MYLK4: variants seen among roughly 807,000 people sequenced by gnomAD.
The protein encoded by MYLK4 is caMLCK like.
MYLK4 carries 46 observed loss-of-function variants against 48.1 expected under a neutral mutation model. The ratio of observed to expected loss-of-function variants is 0.96; its 90% CI spans 0.75 to 1.22. The LOEUF (loss-of-function observed/expected upper bound fraction) is 1.22, where lower values mean the gene tolerates loss of function less well. MYLK4 is among the 50% of genes most tolerant of loss of function. The pLI, the probability that MYLK4 is intolerant of heterozygous loss-of-function variation, is 0.00. For synonymous variants in MYLK4, 170 were observed against 180.8 expected, an observed-to-expected ratio of 0.94 and a Z score of 0.48; for missense variants, 451 against 486.1, an observed-to-expected ratio of 0.93 and a Z score of 0.68.
intron 12 of MYLK4, among the ~76,000 whole-genome samples, chr6:2,669,528 T>C (rs1760799373): frequency 6.6e-6 from 1 of 152,020 alleles, no homozygotes; most frequent in Non-Finnish European, 1.5e-5. Context: ...CTCCGGTCCT[T>C]ATGGTGGGAA....
chr6:2,765,524 G>A, the MYLK4 span: 8 of 1,293,424 alleles, frequency 6.2e-6, no homozygotes, highest in East Asian at 1.0e-4. Flanking sequence ...CCCCGAGCGA[G>A]GGTCTCGCGG....
At chr6:2,766,137 G>C in the MYLK4 span, 1 of 1,241,008 alleles carries the variant, frequency 8.1e-7, no homozygotes, top group South Asian at 2.2e-5. Flanking sequence ...GTGGGCGACG[G>C]CGATGGCGAC....
chr6:2,763,201 T>A, the MYLK4 span, among the ~76,000 whole-genome samples: 1 of 152,222 alleles, frequency 6.6e-6, no homozygotes, highest in African/African-American at 2.4e-5. Context: ...CCGATTGGTG[T>A]ATTTACAATC....
At position 2,685,431 on chromosome 6, in the gene MYLK4, G is replaced by C; in HGVS notation, c.436-26C>G. On this transcript the variant is annotated intron_variant, in intron 5 of 12. Transcript: ENST00000274643. The surrounding 1 kb of genome is among the most constrained non-coding windows in gnomAD (Gnocchi z 4.5). ...CTGAGAAGCAGGAAACAGTGCATTAGTGTGGTCAAGATGGGGCGGGGAGGG... is the reference window on the plus strand; with the variant it reads ...CTGAGAAGCAGGAAACAGTGCATTACTGTGGTCAAGATGGGGCGGGGAGGG... The C allele has an allele frequency of 6.3e-7, 1 of 1,590,052 alleles. No homozygotes were observed. Among genetic ancestry groups the C allele is most frequent in the Non-Finnish European group, 8.6e-7 (1 of 1,160,164 alleles).
rs559764294 is a variant in MYLK4 at position 2,706,522 on chromosome 6, A to G, written c.160-13663T>C. 2.0e-5 allele frequency among the ~76,000 whole-genome samples: 3 copies of G among 152,326 alleles called. No individual in the cohort carries two copies. In the South Asian group the frequency reaches 6.2e-4, roughly 32 times the overall value. Reference sequence around the variant, plus strand: ...TGTAATTTTTTGTATATAAATTTATACCTCAGTGAAGCTTTTTTTAATATA... The same window carrying G: ...TGTAATTTTTTGTATATAAATTTATGCCTCAGTGAAGCTTTTTTTAATATA... On this transcript the variant is annotated intron_variant, in intron 2 of 12. Coordinates refer to ENST00000274643, the MANE Select transcript of MYLK4 (RefSeq NM_001012418.5).
intron 6 of MYLK4, among the ~76,000 whole-genome samples, chr6:2,683,514 G>T (rs1321489490): frequency 6.6e-6 from 1 of 151,672 alleles, no homozygotes; most frequent in East Asian, 1.9e-4. Flanking sequence ...CCGCCTCCCA[G>T]ATTCAAGCGA....
At chr6:2,708,324 A>G (rs9285962) in intron 2 of MYLK4, among the ~76,000 whole-genome samples, 130,695 of 152,156 alleles carry the variant, frequency 0.86, 56,206 homozygotes, top group Admixed American at 0.89. Flanking sequence ...ATTTTGTTAC[A>G]TTCTCCTCTA....
chr6:2,736,629 C>G (rs1005498206), intron 2 of MYLK4, among the ~76,000 whole-genome samples: 1 of 152,214 alleles, frequency 6.6e-6, no homozygotes, highest in Non-Finnish European at 1.5e-5. Context: ...CAGAGCTAGA[C>G]TGTATGCCTG....
the MYLK4 span, chr6:2,766,565 T>G: frequency 7.2e-7 from 1 of 1,393,406 alleles, no homozygotes; most frequent in Non-Finnish European, 9.4e-7. Flanking sequence ...GATAAGGGGG[T>G]GCAGACTTGG....
intron 12 of MYLK4, among the ~76,000 whole-genome samples, chr6:2,670,103 C>T (rs1582019420): frequency 6.6e-6 from 1 of 152,166 alleles, no homozygotes; most frequent in Non-Finnish European, 1.5e-5. Flanking sequence ...CGGTGGCTCA[C>T]GCCTGTAATC....
intron 3 of MYLK4, among the ~76,000 whole-genome samples, chr6:2,689,714 TC>T (rs913617038): frequency 2.0e-5 from 3 of 152,248 alleles, no homozygotes; most frequent in African/African-American, 7.2e-5. Context: ...TGCTCATTCT[TC>T]GTTAATTCAT....
chr6:2,708,229 T>A (rs1762559166), intron 2 of MYLK4, among the ~76,000 whole-genome samples: 1 of 152,226 alleles, frequency 6.6e-6, no homozygotes, highest in Non-Finnish European at 1.5e-5. Context: ...ACAAACATAT[T>A]CATACTCAGA....
the MYLK4 span, among the ~76,000 whole-genome samples, chr6:2,764,093 T>C: frequency 6.6e-6 from 1 of 152,160 alleles, no homozygotes; most frequent in African/African-American, 2.4e-5. Flanking sequence ...GATTGCGCCA[T>C]TGCACTCCAG....
In MYLK4 at chr6:2,708,802, C is replaced by T. The variant is rs751860765; in HGVS notation, c.160-15943G>A. On this transcript the variant is annotated intron_variant, in intron 2 of 12. Coordinates refer to ENST00000274643, the MANE Select transcript of MYLK4 (RefSeq NM_001012418.5). ...GTTCATCTTCTGCCTTTTGCGTCTCCGTATATTCTCTCATAGCCTTGAACA... is the reference window on the plus strand; with the variant it reads ...GTTCATCTTCTGCCTTTTGCGTCTCTGTATATTCTCTCATAGCCTTGAACA... Among the ~76,000 whole-genome samples, 12 of 152,204 alleles carry T rather than the reference C, an allele frequency of 7.9e-5. No individual in the cohort carries two copies. In the South Asian group the frequency reaches 1.0e-3, roughly 13 times the overall value.
At chr6:2,674,870 T>G (rs1415915261) in intron 11 of MYLK4, among the ~76,000 whole-genome samples, 177 bp downstream of exon 11, 1 of 152,160 alleles carries the variant, frequency 6.6e-6, no homozygotes, top group East Asian at 1.9e-4. Flanking sequence ...AAATTTTGCC[T>G]CAAAAAAAAT....
intron 2 of MYLK4, among the ~76,000 whole-genome samples, chr6:2,737,895 G>T (rs1763737649): frequency 9.2e-6 from 1 of 108,998 alleles, no homozygotes; most frequent in Non-Finnish European, 1.9e-5. Flanking sequence ...TTTTGTTCAT[G>T]TAGCTTTTTT....
At chr6:2,763,648 C>T in the MYLK4 span, among the ~76,000 whole-genome samples, 1 of 152,244 alleles carries the variant, frequency 6.6e-6, no homozygotes, top group Non-Finnish European at 1.5e-5. Context: ...CCGCGCCTCT[C>T]CCACCATACT....
At chr6:2,696,224 G>A (rs975349247) in intron 2 of MYLK4, among the ~76,000 whole-genome samples, 1 of 152,178 alleles carries the variant, frequency 6.6e-6, no homozygotes, top group Non-Finnish European at 1.5e-5. Flanking sequence ...GACTGGTCTC[G>A]TAAGTGGGAT....
chr6:2,708,424 C>A (rs1329988392), intron 2 of MYLK4, among the ~76,000 whole-genome samples: 1 of 152,144 alleles, frequency 6.6e-6, no homozygotes, highest in Non-Finnish European at 1.5e-5. Flanking sequence ...TACAATGTAA[C>A]CTTCATCATC....
Sources: gnomAD v4.1 joint callset for allele counts (sites outside exome capture counted in the v4.1 genomes callset) on GRCh38, gnomAD v4.1.1 for gene constraint, Gnocchi (gnomAD v3.1) non-coding constraint, MANE v1.5 for transcripts, NCBI Gene and HGNC (gene_info 2026-07-23, HGNC 2026-07-21) for gene names.